Variants in ZNF69 observed in about 807,000 individuals in gnomAD.
The protein encoded by ZNF69 is zinc finger protein 69.
ZNF69 carries 47 observed loss-of-function variants against 50.9 expected under a neutral mutation model. The ratio of observed to expected loss-of-function variants is 0.92; its 90% confidence interval spans 0.73 to 1.18. The LOEUF (loss-of-function observed/expected upper bound fraction) is 1.18, where lower values mean the gene tolerates loss of function less well. Ranked by LOEUF, ZNF69 falls within the 50% of genes most tolerant of loss-of-function variation. ZNF69 has a pLI of 0.00. For missense variants in ZNF69, 717 were observed against 675.1 expected (o/e 1.06, Z -0.69); for synonymous variants, 216 against 223.1 (o/e 0.97, Z 0.29).
At chr19:11,928,265 T>C in the ZNF69 span, among the ~76,000 whole-genome samples, 14 of 152,196 alleles carry the variant, frequency 9.2e-5, no homozygotes, top group Admixed American at 2.0e-4. Context: ...GGATTACAGA[T>C]ACAGATATCA....
In ZNF69 at chr19:11,905,384, A is replaced by G; in HGVS notation, c.987A>G (p.Lys329=). 4 of 1,614,214 alleles carry G rather than the reference A, an allele frequency of 2.5e-6. No individual in the cohort carries two copies. Among genetic ancestry groups the G allele is most frequent in the Non-Finnish European group, 2.5e-6 (3 of 1,180,050 alleles). ...TACATGAAAGGACCCACTCTAGGAA[A>G]AAACCCTATGAATGTACGCAGTGTG... ...VRIHERTHSR[K]KPYECTQCGK... The change falls in exon 4 of 4, where the codon AAA becomes AAG. Residue 329 remains lysine, a synonymous_variant. Coordinates refer to ENST00000429654, the MANE Select transcript of ZNF69 (RefSeq NM_001364730.1).
the ZNF69 span, among the ~76,000 whole-genome samples, chr19:11,937,796 T>C: frequency 1.3e-5 from 2 of 152,086 alleles, no homozygotes; most frequent in African/African-American, 2.4e-5. Flanking sequence ...CCTATAGATT[T>C]TTCTACGTTC....
the ZNF69 span, among the ~76,000 whole-genome samples, chr19:11,947,884 G>C: frequency 6.6e-6 from 1 of 151,952 alleles, no homozygotes; most frequent in Non-Finnish European, 1.5e-5. Flanking sequence ...TGTATGCATC[G>C]GTAGTCCCAG....
chr19:11,951,236 G>GTT, the ZNF69 span, among the ~76,000 whole-genome samples: 7 of 137,018 alleles, frequency 5.1e-5, no homozygotes, highest in African/African-American at 1.6e-4. Flanking sequence ...GCTGGTTTTT[G>GTT]TTTTTTTTTT....
intron 1 of ZNF69, among the ~76,000 whole-genome samples, chr19:11,888,987 A>G (rs1977015405): frequency 6.6e-6 from 1 of 151,962 alleles, no homozygotes; most frequent in African/African-American, 2.4e-5. Flanking sequence ...AAACAAAAAC[A>G]AAAAACAGAA....
At chr19:11,927,211 G>A in the ZNF69 span, among the ~76,000 whole-genome samples, 3 of 151,936 alleles carry the variant, frequency 2.0e-5, no homozygotes, top group South Asian at 2.1e-4. Context: ...AAAATTAGCC[G>A]GGTGTGGTGG....
chr19:11,980,112 GA>G, the ZNF69 span: 1 of 910,702 alleles, frequency 1.1e-6, no homozygotes. Context: ...TCACACCTTC[GA>G]AAACATGGTA....
rs753227648 is a variant in ZNF69 at position 11,905,870 on chromosome 19, A to T, written c.1473A>T (p.Lys491Asn). ...KLCGKGFYCPKSLQRHEKTHT... is the reference protein window; with the variant it reads ...KLCGKGFYCPNSLQRHEKTHT... ...GTGGGAAAGGCTTTTATTGTCCCAA[A>T]TCATTGCAAAGACATGAAAAAACTC... Residue 491 changes from lysine to asparagine, a missense_variant, in exon 4 of 4, where the codon AAA (lysine) becomes AAT (asparagine). Coordinates refer to ENST00000429654, the MANE Select transcript of ZNF69 (RefSeq NM_001364730.1). 1.2e-6 allele frequency: 2 copies of T among 1,612,692 alleles called. No individual in the cohort carries two copies. Among genetic ancestry groups the T allele is most frequent in the Non-Finnish European group, 1.7e-6 (2 of 1,179,636 alleles).
chr19:11,951,797 CTT>C, the ZNF69 span, among the ~76,000 whole-genome samples: 1 of 152,126 alleles, frequency 6.6e-6, no homozygotes, highest in African/African-American at 2.4e-5. Flanking sequence ...AAAATATTCT[CTT>C]TTTTTGTCCT....
the ZNF69 span, among the ~76,000 whole-genome samples, chr19:11,948,051 T>A: frequency 1.3e-5 from 2 of 152,288 alleles, no homozygotes; most frequent in African/African-American, 4.8e-5. Flanking sequence ...TGTAAAATAG[T>A]TTACATGGGA....
the ZNF69 span, among the ~76,000 whole-genome samples, chr19:11,957,260 T>C: frequency 1.3e-5 from 2 of 151,638 alleles, no homozygotes; most frequent in Non-Finnish European, 2.9e-5. Flanking sequence ...CCCAGTTAAT[T>C]TTTTCTATTT....
chr19:11,940,190 A>G, the ZNF69 span, among the ~76,000 whole-genome samples: 1 of 152,158 alleles, frequency 6.6e-6, no homozygotes, highest in Non-Finnish European at 1.5e-5. Context: ...TCGGCCTCCA[A>G]AAGTGCTGGG....
chr19:11,940,275 C>T, the ZNF69 span, among the ~76,000 whole-genome samples: 2 of 152,076 alleles, frequency 1.3e-5, no homozygotes, highest in East Asian at 3.9e-4. Flanking sequence ...TGTATTGTGT[C>T]CGGAATTGGT....
the ZNF69 span, among the ~76,000 whole-genome samples, chr19:11,975,690 T>G: frequency 6.6e-6 from 1 of 152,134 alleles, no homozygotes; most frequent in Admixed American, 6.6e-5. Flanking sequence ...GCCTTTAAGA[T>G]GTTACTTTCT....
the ZNF69 span, chr19:11,953,133 A>T: frequency 6.6e-6 from 1 of 152,254 alleles, no homozygotes; most frequent in Non-Finnish European, 1.5e-5. Context: ...CCCCTGTCTC[A>T]TCCTTCTGCC....
downstream of ZNF69, among the ~76,000 whole-genome samples, chr19:11,917,386 G>T (rs564698502): frequency 3.9e-5 from 6 of 152,270 alleles, 1 homozygote; most frequent in African/African-American, 1.4e-4. Flanking sequence ...GGTGTGTGTG[G>T]AATTCCCAGA....
downstream of ZNF69, among the ~76,000 whole-genome samples, chr19:11,915,279 A>G (rs368794495): frequency 1.6e-4 from 25 of 152,298 alleles, no homozygotes; most frequent in African/African-American, 5.8e-4. Context: ...AAGGCCAAAT[A>G]CACCCTGATA....
the ZNF69 span, among the ~76,000 whole-genome samples, chr19:11,970,845 C>G: frequency 6.6e-6 from 1 of 152,108 alleles, no homozygotes; most frequent in African/African-American, 2.4e-5. Context: ...GCAGGAGAAT[C>G]GCTTGAACCT....
the ZNF69 span, among the ~76,000 whole-genome samples, chr19:11,928,649 G>A: frequency 3.4e-5 from 5 of 145,534 alleles, no homozygotes; most frequent in East Asian, 2.0e-4. Flanking sequence ...GGAGAATGGC[G>A]TGAACCCGGG....
Sources: allele counts gnomAD v4.1 joint callset (sites outside exome capture counted in the v4.1 genomes callset), GRCh38; gene constraint gnomAD v4.1.1; transcripts MANE v1.5; gene names NCBI Gene and HGNC (gene_info 2026-07-23, HGNC 2026-07-21).